NAV2: variants seen among roughly 807,000 people sequenced by gnomAD.
NAV2 encodes the protein neuron navigator 2, also known as helicase, APC down-regulated 1.
A neutral mutation model predicts 223.2 loss-of-function variants in NAV2; 54 were observed. The ratio of observed to expected loss-of-function variants is 0.24; its 90% CI spans 0.19 to 0.30. NAV2 has a LOEUF of 0.30. Among genes scored for constraint, NAV2 ranks in the 10% least tolerant of loss-of-function variants. NAV2 has a pLI of 1.00. For missense variants in NAV2, 2,806 were observed against 3,147.5 expected (o/e 0.89, Z 2.60); for synonymous variants, 1,279 against 1,239.3 (o/e 1.03, Z -0.67).
At position 19,642,352 on chromosome 11, in the gene NAV2, A is replaced by G. The variant is rs1344770442; in HGVS notation, c.76-190132A>G. On this transcript the variant is annotated intron_variant, in intron 1 of 37. Transcript: ENST00000360655. The stretch of plus-strand genomic sequence containing the variant: ...GAATTGCTCAGTACAGTGTTAGGAA[A>G]TCTTCCTCCCTGGAGAGCTTTTTAA... 2.0e-5 allele frequency among the ~76,000 whole-genome samples: 3 copies of G among 152,270 alleles called. No homozygotes were observed. The East Asian group carries it at 5.8e-4, about 29-fold the overall frequency.
At chr11:19,614,145 G>A (rs767621728) in intron 1 of NAV2, among the ~76,000 whole-genome samples, 2 of 152,120 alleles carry the variant, frequency 1.3e-5, no homozygotes, top group Non-Finnish European at 2.9e-5. Flanking sequence ...CTTAAAACAA[G>A]GCTGGCAGCA....
chr11:20,100,593 A>G (rs1475355316), intron 31 of NAV2, among the ~76,000 whole-genome samples: 1 of 132,788 alleles, frequency 7.5e-6, no homozygotes, highest in East Asian at 3.2e-4. Flanking sequence ...GTGTGTGTGT[A>G]GTAAGTATAG....
At chr11:19,520,736 A>G (rs892794943) in intron 1 of NAV2, among the ~76,000 whole-genome samples, 2 of 152,214 alleles carry the variant, frequency 1.3e-5, no homozygotes, top group African/African-American at 4.8e-5. Context: ...GGGGAACAGG[A>G]AGATGCACTT....
At chr11:19,529,432 T>C (rs2043954078) in intron 1 of NAV2, among the ~76,000 whole-genome samples, 1 of 150,380 alleles carries the variant, frequency 6.6e-6, no homozygotes, top group Non-Finnish European at 1.5e-5. Flanking sequence ...TGACACCTCC[T>C]CTGGGAGGCC....
chr11:19,837,708 T>C lies in NAV2; in HGVS notation c.385+5107T>C, dbSNP rs114405933. 7.1e-3 allele frequency among the ~76,000 whole-genome samples: 1,070 copies of C among 151,644 alleles called. 9 individuals are homozygous for C. Among genetic ancestry groups the C allele is most frequent in the African/African-American group, 0.025 (1,017 of 41,332 alleles). ...AAAACTGGGCTACATTGTTCAAAAA[T>C]GTGAATGCTGTGGAAGACAAAGGCT... On this transcript the variant is annotated intron_variant, in intron 2 of 37. Transcript: ENST00000349880.
chr11:19,479,627 C>T (rs143119905), intron 1 of NAV2, among the ~76,000 whole-genome samples: 28 of 152,220 alleles, frequency 1.8e-4, no homozygotes, highest in Admixed American at 1.8e-3. Context: ...TGTTAGTTGG[C>T]CTGTTTGTAG....
chr11:20,107,671 G>T lies in NAV2; in HGVS notation c.6849G>T (p.Arg2283=). The T allele has an allele frequency of 6.2e-7, 1 of 1,613,854 alleles. No individual in the cohort carries two copies. Among genetic ancestry groups the T allele is most frequent in the Non-Finnish European group, 8.5e-7 (1 of 1,179,756 alleles). ...TTTCACTGTGGTCTCCAGGCCCCCG[G>T]CTCTTCCTGTCATGCCCCATCGATG... ...HSSSDVTIGP[R]LFLSCPIDVD... Residue 2283 remains arginine (R), a synonymous_variant, in exon 36 of 38, where the codon CGG becomes CGT. Coordinates refer to ENST00000349880, the MANE Select transcript of NAV2 (RefSeq NM_145117.5).
intron 1 of NAV2, among the ~76,000 whole-genome samples, chr11:19,759,571 G>C (rs2054556249): frequency 6.6e-6 from 1 of 152,148 alleles, no homozygotes; most frequent in African/African-American, 2.4e-5. Context: ...TCGATTGCTT[G>C]GTCAAAGAGA....
At chr11:19,534,077 C>A (rs1044287872) in intron 1 of NAV2, among the ~76,000 whole-genome samples, 7 of 152,332 alleles carry the variant, frequency 4.6e-5, no homozygotes, top group Middle Eastern at 6.8e-3. Flanking sequence ...TCACCCCATG[C>A]CACCCTTGTG....
intron 1 of NAV2, among the ~76,000 whole-genome samples, chr11:19,574,761 T>C (rs2045523249): frequency 6.6e-6 from 1 of 152,004 alleles, no homozygotes. Flanking sequence ...TGCAAGAAAA[T>C]AAACTCTTTG....
intron 1 of NAV2, among the ~76,000 whole-genome samples, chr11:19,762,523 G>A (rs1397749826): frequency 2.6e-5 from 4 of 152,058 alleles, no homozygotes; most frequent in Non-Finnish European, 5.9e-5. Context: ...AGAAGCCTTG[G>A]CTCCTAATCT....
At chr11:19,823,543 G>C (rs1349692701) in intron 1 of NAV2, among the ~76,000 whole-genome samples, 1 of 151,954 alleles carries the variant, frequency 6.6e-6, no homozygotes, top group Non-Finnish European at 1.5e-5. Flanking sequence ...GTTTCACCAT[G>C]TTGCCTAGGT....
chr11:19,441,652 T>C (rs1455563934), intron 1 of NAV2, among the ~76,000 whole-genome samples: 3 of 152,206 alleles, frequency 2.0e-5, no homozygotes, highest in Admixed American at 6.5e-5. Flanking sequence ...TTCTTATTTA[T>C]TTTTTAACCA....
chr11:19,936,159 G>A (rs981857568), intron 7 of NAV2, among the ~76,000 whole-genome samples: 5 of 151,594 alleles, frequency 3.3e-5, no homozygotes, highest in African/African-American at 4.8e-5. Context: ...ATGAGCCACC[G>A]CGCCCAGCCA....
intron 3 of NAV2, among the ~76,000 whole-genome samples, chr11:19,856,406 C>G (rs1479732657): frequency 6.6e-6 from 1 of 152,156 alleles, no homozygotes; most frequent in Non-Finnish European, 1.5e-5. Context: ...TTATCACAGA[C>G]TTTAGAATTT....
At chr11:19,957,428 T>C (rs1479749548) in intron 10 of NAV2, among the ~76,000 whole-genome samples, 1 of 152,184 alleles carries the variant, frequency 6.6e-6, no homozygotes, top group Non-Finnish European at 1.5e-5. Flanking sequence ...AGGGCAAGAT[T>C]AATTTCCCCA....
intron 1 of NAV2, among the ~76,000 whole-genome samples, chr11:19,563,358 A>G (rs576384546): frequency 1.3e-5 from 2 of 152,322 alleles, no homozygotes; most frequent in East Asian, 3.9e-4. Context: ...GAACCCCATT[A>G]CACTTAGGCT....
At chr11:19,363,771 T>C (rs1854099618) in intron 1 of NAV2, among the ~76,000 whole-genome samples, 1 of 152,206 alleles carries the variant, frequency 6.6e-6, no homozygotes, top group Non-Finnish European at 1.5e-5. Context: ...TCCCAAGACC[T>C]TCTCTTCAGG....
At chr11:19,939,924 C>A (rs1217665034) in intron 8 of NAV2, 151 bp downstream of exon 8, 2 of 550,360 alleles carry the variant, frequency 3.6e-6, no homozygotes, top group Non-Finnish European at 6.3e-6. Flanking sequence ...TTTTTTTTTC[C>A]TATTATTTTT....
Sources: gnomAD v4.1 joint callset for allele counts (sites outside exome capture counted in the v4.1 genomes callset) on GRCh38, gnomAD v4.1.1 for gene constraint, MANE v1.5 for transcripts, NCBI Gene and HGNC (gene_info 2026-07-23, HGNC 2026-07-21) for gene names.